The following CFAP74 variants were observed in gnomAD, a reference collection of about 807,000 sequenced individuals.
CFAP74 encodes the protein cilia and flagella associated protein 74, also known as cilia- and flagella-associated protein 74.
Under a neutral mutation model 188.9 loss-of-function variants are expected in CFAP74, and 124 were observed. The ratio of observed to expected loss-of-function variants is 0.66; its 90% CI spans 0.57 to 0.76. The LOEUF (loss-of-function observed/expected upper bound fraction) is 0.76. Ranked by LOEUF, CFAP74 falls within the 30% of genes least tolerant of loss-of-function variation. The probability of loss-of-function intolerance (pLI) is 0.00; values close to 1 mark genes in which losing one functional copy is unlikely to be tolerated. For synonymous variants in CFAP74, 956 were observed against 916.7 expected (o/e 1.04, Z -0.77); for missense variants, 2,198 against 2,165.2 (o/e 1.02, Z -0.30).
chr1:2,003,262 G>C (rs1228100125), intron 1 of CFAP74, among the ~76,000 whole-genome samples: 1 of 152,198 alleles, frequency 6.6e-6, no homozygotes, highest in African/African-American at 2.4e-5. Context: ...GGCTTATGCA[G>C]ATAAAAGGAG....
intron 6 of CFAP74, chr1:1,985,138 C>G (rs577297931): frequency 5.1e-4 from 229 of 452,774 alleles, no homozygotes; most frequent in African/African-American, 3.9e-3. Context: ...GCATGAGAAA[C>G]GAGGAAAGAG....
intron 6 of CFAP74, 25 bp downstream of exon 6, chr1:1,985,361 C>A: frequency 6.3e-7 from 1 of 1,596,324 alleles, no homozygotes; most frequent in Non-Finnish European, 8.6e-7. Context: ...TGCCTGCTGC[C>A]AGTCCCGGCT....
Position 1,982,288 on chromosome 1 carries a change from C to T in CFAP74, c.500+3098G>A, listed in dbSNP as rs4648605. On this transcript the variant is annotated intron_variant, in intron 6 of 38. Coordinates refer to ENST00000682832, the MANE Select transcript of CFAP74 (RefSeq NM_001304360.2). ...CGCAGGACACCCAGCCGTGGTCACACGCGGGGACACGCAGGACACCCAGCC... is the reference window on the plus strand; with the variant it reads ...CGCAGGACACCCAGCCGTGGTCACATGCGGGGACACGCAGGACACCCAGCC... 7.5e-3 allele frequency among the ~76,000 whole-genome samples: 616 copies of T among 82,624 alleles called. 4 individuals are homozygous for T. Among genetic ancestry groups the T allele is most frequent in the Middle Eastern group, 0.013 (2 of 154 alleles). 54.2% of individuals were successfully genotyped at this position (82,624 alleles called of 152,430 possible). A position where few individuals can be genotyped will look rare whatever the true frequency, so the allele number is the denominator to read the frequency against.
intron 4 of CFAP74, among the ~76,000 whole-genome samples, chr1:1,987,698 C>T (rs957475396): frequency 3.3e-5 from 5 of 152,262 alleles, no homozygotes; most frequent in African/African-American, 4.8e-5. Flanking sequence ...CCCACCACCA[C>T]GCACAGCTAA....
intron 16 of CFAP74, among the ~76,000 whole-genome samples, chr1:1,958,005 C>A (rs1654781447): frequency 6.6e-6 from 1 of 152,252 alleles, no homozygotes; most frequent in South Asian, 2.1e-4. Context: ...GTGACTGGAA[C>A]ACACCAAATA....
chr1:1,961,050 G>A lies in CFAP74; in HGVS notation c.1695-1020C>T, dbSNP rs560151278. Among the ~76,000 whole-genome samples the A allele has an allele frequency of 7.9e-5, 12 of 152,346 alleles. No individual in the cohort carries two copies. The South Asian group carries it at 2.1e-3, about 26-fold the overall frequency. On this transcript the variant is annotated intron_variant, in intron 14 of 38. Transcript: ENST00000682832. ...TAGAAATGAGAGACAGGGCAGCTGA[G>A]TAAGAAACTTACTGAGCAATTTCAA...
At chr1:2,002,785 A>G (rs1658270154) in intron 1 of CFAP74, among the ~76,000 whole-genome samples, 1 of 150,094 alleles carries the variant, frequency 6.7e-6, no homozygotes, top group Admixed American at 6.7e-5. Context: ...TATATTATAT[A>G]TTGTTTATAT....
intron 9 of CFAP74, 88 bp from the exon 10 acceptor site, chr1:1,970,904 C>T: frequency 1.3e-6 from 2 of 1,509,666 alleles, no homozygotes; most frequent in African/African-American, 1.4e-5. Flanking sequence ...CACACAGGTT[C>T]ATACATGCAC....
chr1:1,922,356 C>T lies in CFAP74; in HGVS notation c.4851G>A (p.Leu1617=). The T allele has an allele frequency of 6.2e-7, 1 of 1,601,216 alleles. No individual in the cohort carries two copies. Among genetic ancestry groups the T allele is most frequent in the African/African-American group, 1.3e-5 (1 of 74,158 alleles). Residue 1617 remains leucine, a synonymous_variant, in exon 39 of 39, where the codon CTG becomes CTA. Coordinates refer to ENST00000682832, the MANE Select transcript of CFAP74 (RefSeq NM_001304360.2). Reference sequence around the variant, plus strand: ...TCTCCTTCACATCCCCCCTTAGCTGCAGCAGGGCCGACACCATGAGTGGGT... The same window carrying T: ...TCTCCTTCACATCCCCCCTTAGCTGTAGCAGGGCCGACACCATGAGTGGGT... The part of the protein sequence containing the change: ...PDHPLMVSAL[L]QLRGDVKETY...
chr1:1,967,593 C>T (rs1419532450), intron 11 of CFAP74, among the ~76,000 whole-genome samples: 1 of 152,068 alleles, frequency 6.6e-6, no homozygotes, highest in Non-Finnish European at 1.5e-5. Context: ...GCCTGGGTAG[C>T]AGGAAAGGAC....
At position 1,925,914 on chromosome 1, in the gene CFAP74, T is replaced by G. The variant is rs1432496381; in HGVS notation, c.3973A>C (p.Thr1325Pro). The change falls in exon 33 of 39, where the codon ACC becomes CCC. Residue 1325 changes from threonine to proline, a missense_variant. Coordinates refer to ENST00000682832, the MANE Select transcript of CFAP74 (RefSeq NM_001304360.2). ...ILAQETLDII[T>P]KRGTLTLTLM... ...GTGAGGGTGAGCGTGCCTCTCTTGG[T>G]GATGATGTCCAGTGTTTCTTGAGCC... 1 of 1,611,468 alleles carries G rather than the reference T, an allele frequency of 6.2e-7. No individual in the cohort carries two copies. The highest frequency in any genetic ancestry group is 1.7e-5 in the Admixed American group (1 of 59,806).
At chr1:1,993,234 T>G (rs1360678702) in intron 1 of CFAP74, among the ~76,000 whole-genome samples, 1 of 149,272 alleles carries the variant, frequency 6.7e-6, no homozygotes, top group Admixed American at 6.7e-5. Flanking sequence ...AATGTTAAAA[T>G]CACAAACTCT....
chr1:1,963,312 G>A (rs28548673), intron 14 of CFAP74, among the ~76,000 whole-genome samples: 9,444 of 151,944 alleles, frequency 0.062, 396 homozygotes, highest in South Asian at 0.17. Context: ...TTAGCCAGGC[G>A]TAGTGGCAGG....
chr1:1,976,022 C>T (rs1430005413), intron 6 of CFAP74, among the ~76,000 whole-genome samples: 8 of 152,214 alleles, frequency 5.3e-5, no homozygotes, highest in Admixed American at 5.2e-4. Context: ...GTGCCAGCAG[C>T]TTCGATGGCC....
At chr1:1,951,725 G>T (rs1227537321) in intron 18 of CFAP74, among the ~76,000 whole-genome samples, 3 of 152,176 alleles carry the variant, frequency 2.0e-5, no homozygotes, top group African/African-American at 7.2e-5. Context: ...TTAGTTCTGG[G>T]ATATTCACAT....
At chr1:1,993,153 A>C (rs898124157) in intron 1 of CFAP74, among the ~76,000 whole-genome samples, 1 of 148,820 alleles carries the variant, frequency 6.7e-6, no homozygotes, top group African/African-American at 2.5e-5. Flanking sequence ...GTGAGCCGAG[A>C]TCACGCCACT....
intron 10 of CFAP74, among the ~76,000 whole-genome samples, chr1:1,969,344 T>A (rs1371723263): frequency 1.4e-5 from 1 of 71,684 alleles, no homozygotes; most frequent in African/African-American, 5.5e-5. Context: ...AGCCCTGCCC[T>A]GCCCAGCCCA....
chr1:1,972,077 C>G lies in CFAP74; in HGVS notation c.791G>C (p.Arg264Pro). ...RFLKASLGRIREQEKKEEMEC... is the reference protein window; with the variant it reads ...RFLKASLGRIPEQEKKEEMEC... The stretch of plus-strand genomic sequence containing the variant: ...CATCTCCTCCTTCTTCTCTTGCTCT[C>G]GGATTCTGAGGAAGGACATTTAAAC... The change falls in exon 9 of 39, where the codon CGA becomes CCA. Residue 264 changes from arginine (R) to proline (P), a missense_variant. Transcript: ENST00000682832. 6.2e-7 allele frequency: 1 copy of G among 1,611,514 alleles called. No homozygotes were observed. Among genetic ancestry groups the G allele is most frequent in the Non-Finnish European group, 8.5e-7 (1 of 1,179,196 alleles).
At chr1:1,948,510 T>C (rs1242667546) in intron 18 of CFAP74, among the ~76,000 whole-genome samples, 1 of 151,176 alleles carries the variant, frequency 6.6e-6, no homozygotes, top group Non-Finnish European at 1.5e-5. Context: ...TCCTCCTGCG[T>C]TGGCCCTCTA....
Sources: gnomAD v4.1 joint callset for allele counts (sites outside exome capture counted in the v4.1 genomes callset) on GRCh38, gnomAD v4.1.1 for gene constraint, MANE v1.5 for transcripts, NCBI Gene and HGNC (gene_info 2026-07-23, HGNC 2026-07-21) for gene names.